Variants in FRMD5 observed in about 807,000 individuals in gnomAD.
FRMD5 encodes FERM domain containing 5.
In FRMD5, 20 loss-of-function variants were observed where a neutral mutation model predicts 69.0. The observed-to-expected ratio is 0.29, with a 90% CI of 0.20 to 0.42. FRMD5 has a LOEUF of 0.42. FRMD5 is among the 10% of genes least tolerant of loss of function. FRMD5 has a pLI of 1.00. For synonymous variants in FRMD5, 271 were observed against 260.1 expected, an observed-to-expected ratio of 1.04 and a Z score of -0.40; for missense variants, 595 against 708.6, an observed-to-expected ratio of 0.84 and a Z score of 1.82.
chr15:43,999,858 G>T (rs538774267), intron 1 of FRMD5, among the ~76,000 whole-genome samples: 62 of 62,828 alleles, frequency 9.9e-4, no homozygotes, highest in African/African-American at 2.6e-3. Context: ...CTATATCACA[G>T]ATATATGTGT....
chr15:44,193,460 A>G (rs1313901372), intron 1 of FRMD5, among the ~76,000 whole-genome samples: 3 of 152,260 alleles, frequency 2.0e-5, no homozygotes, highest in African/African-American at 7.2e-5. Context: ...TGGACATGGC[A>G]CAATGATACA....
At chr15:43,939,206 A>G (rs1429768649) in intron 1 of FRMD5, among the ~76,000 whole-genome samples, 1 of 152,028 alleles carries the variant, frequency 6.6e-6, no homozygotes, top group Non-Finnish European at 1.5e-5. Flanking sequence ...ACATTTCTGA[A>G]TTTCTATATC....
At chr15:44,193,278 T>A (rs2078226373) in intron 1 of FRMD5, among the ~76,000 whole-genome samples, 1 of 152,224 alleles carries the variant, frequency 6.6e-6, no homozygotes, top group South Asian at 2.1e-4. Flanking sequence ...TTCTTAGGAC[T>A]TATAAAGTCT....
chr15:44,174,765 G>T (rs2077864186), intron 1 of FRMD5, among the ~76,000 whole-genome samples: 1 of 152,112 alleles, frequency 6.6e-6, no homozygotes, highest in African/African-American at 2.4e-5. Flanking sequence ...GAGCCCTATT[G>T]TATGAATCCA....
intron 1 of FRMD5, among the ~76,000 whole-genome samples, chr15:44,046,676 C>A (rs1247005992): frequency 6.6e-6 from 1 of 152,158 alleles, no homozygotes; most frequent in East Asian, 1.9e-4. Flanking sequence ...AATTACTTTT[C>A]CAAGAATAGC....
At chr15:44,151,931 C>T (rs2077453538) in intron 1 of FRMD5, among the ~76,000 whole-genome samples, 1 of 152,172 alleles carries the variant, frequency 6.6e-6, no homozygotes, top group African/African-American at 2.4e-5. Flanking sequence ...AAGGCCAGGC[C>T]AGGCGCGGTG....
intron 1 of FRMD5, among the ~76,000 whole-genome samples, chr15:43,945,491 A>G (rs2089931257): frequency 6.6e-6 from 1 of 152,186 alleles, no homozygotes; most frequent in African/African-American, 2.4e-5. Context: ...TTAAAATATG[A>G]AATTACTTTT....
chr15:44,124,236 G>T (rs2076994377), intron 1 of FRMD5, among the ~76,000 whole-genome samples: 1 of 151,740 alleles, frequency 6.6e-6, no homozygotes, highest in Admixed American at 6.6e-5. Context: ...CAGGTGATCT[G>T]CCCGCCTCGG....
At chr15:43,904,925 G>C (rs1206647789) in intron 6 of FRMD5, among the ~76,000 whole-genome samples, 1 of 152,118 alleles carries the variant, frequency 6.6e-6, no homozygotes, top group Non-Finnish European at 1.5e-5. Context: ...ACTTCTCTCT[G>C]TGCAAAGTCG....
intron 1 of FRMD5, among the ~76,000 whole-genome samples, chr15:43,948,366 C>T (rs1349362471): frequency 2.0e-5 from 3 of 152,184 alleles, no homozygotes; most frequent in Non-Finnish European, 2.9e-5. Flanking sequence ...ACATTTCTGC[C>T]ACCCACCATT....
chr15:44,160,309 T>TG (rs1272546015), intron 1 of FRMD5, among the ~76,000 whole-genome samples: 1 of 152,196 alleles, frequency 6.6e-6, no homozygotes, highest in East Asian at 1.9e-4. Context: ...TGAGCCGAGA[T>TG]GGCGCCACTG....
intron 1 of FRMD5, among the ~76,000 whole-genome samples, chr15:44,151,721 C>A (rs948045695): frequency 1.3e-5 from 2 of 151,786 alleles, no homozygotes; most frequent in Admixed American, 1.3e-4. Context: ...AGAACAAAGG[C>A]ACAAGCAAGG....
intron 2 of FRMD5, 31 bp from the exon 3 acceptor site, chr15:43,919,840 C>G (rs754743108): frequency 6.2e-7 from 1 of 1,601,532 alleles, no homozygotes; most frequent in Admixed American, 1.7e-5. Context: ...CATGAAAACC[C>G]TAATGAGAAG....
intron 1 of FRMD5, among the ~76,000 whole-genome samples, chr15:44,089,111 G>C (rs1595709271): frequency 6.6e-6 from 1 of 152,166 alleles, no homozygotes; most frequent in African/African-American, 2.4e-5. Context: ...TGATATAATA[G>C]AAAGAATTTA....
chr15:43,927,731 CTT>C (rs879431059), intron 1 of FRMD5, among the ~76,000 whole-genome samples: 2 of 140,758 alleles, frequency 1.4e-5, no homozygotes, highest in African/African-American at 2.6e-5. Flanking sequence ...TCAGCTGGTG[CTT>C]TTTTTTTTTT....
At chr15:43,919,203 A>C (rs1234151158) in intron 4 of FRMD5, 5 of 619,734 alleles carry the variant, frequency 8.1e-6, no homozygotes, top group South Asian at 6.1e-5. Flanking sequence ...GTTACTCCAG[A>C]GCCCTTTGAG....
At chr15:44,095,198 ATTTC>A (rs774486425) in intron 1 of FRMD5, among the ~76,000 whole-genome samples, 6 of 150,906 alleles carry the variant, frequency 4.0e-5, no homozygotes, top group Non-Finnish European at 5.9e-5. Flanking sequence ...GGGATTCACA[ATTTC>A]TTTCTTTTTT....
intron 1 of FRMD5, among the ~76,000 whole-genome samples, chr15:44,070,373 G>A (rs975151717): frequency 5.3e-5 from 8 of 150,118 alleles, no homozygotes; most frequent in Non-Finnish European, 5.9e-5. Flanking sequence ...CTCTCATTGA[G>A]AGTCTGCTTC....
intron 1 of FRMD5, among the ~76,000 whole-genome samples, chr15:44,113,692 GCTTCCC>G (rs1387922954): frequency 6.6e-6 from 1 of 151,826 alleles, no homozygotes; most frequent in Non-Finnish European, 1.5e-5. Flanking sequence ...AACCATTCCC[GCTTCCC>G]CTCCTCCCCA....
Sources: allele counts gnomAD v4.1 joint callset (sites outside exome capture counted in the v4.1 genomes callset), GRCh38; gene constraint gnomAD v4.1.1; transcripts MANE v1.5; gene names NCBI Gene and HGNC (gene_info 2026-07-23, HGNC 2026-07-21).